The following RPP30 variants were observed in gnomAD, a reference collection of about 807,000 sequenced individuals.
The protein encoded by RPP30 is ribonuclease P/MRP subunit p30, also known as ribonuclease P protein subunit p30.
In RPP30, 36 loss-of-function variants were observed where a neutral mutation model predicts 38.6. The observed-to-expected ratio is 0.93, with a 90% confidence interval of 0.71 to 1.23. The LOEUF is 1.23. Among genes scored for constraint, RPP30 ranks in the 50% most tolerant of loss-of-function variants. The pLI, the probability that RPP30 is intolerant of heterozygous loss-of-function variation, is 0.00. For synonymous variants in RPP30, 126 were observed against 112.7 expected, an observed-to-expected ratio of 1.12 and a Z score of -0.75; for missense variants, 321 against 321.7, an observed-to-expected ratio of 1.00 and a Z score of 0.02.
At chr10:90,897,276 C>T (rs1847150930) in intron 10 of RPP30, among the ~76,000 whole-genome samples, 1 of 152,132 alleles carries the variant, frequency 6.6e-6, no homozygotes, top group South Asian at 2.1e-4. Context: ...TGATATCACC[C>T]AAGTGAATTT....
chr10:90,874,943 A>G lies in RPP30; in HGVS notation c.138+19A>G. ...GAAACAGGTAAAATAATATTTCTAA[A>G]GTTAATAAGTTCATAAATAAGTATT... is the stretch of plus-strand genomic sequence containing the variant. On this transcript the variant is annotated intron_variant, in intron 2 of 10. Transcript: ENST00000371703. 1 of 1,398,148 alleles carries G rather than the reference A, an allele frequency of 7.2e-7. No individual in the cohort carries two copies. 86.6% of individuals were successfully genotyped at this position (1,398,148 alleles called of 1,614,324 possible).
In RPP30 at chr10:90,900,661, A is replaced by C. The variant is rs1327851879; in HGVS notation, c.789A>C (p.Lys263Asn). 21 of 1,613,664 alleles carry C rather than the reference A, an allele frequency of 1.3e-5. No individual in the cohort carries two copies. Among genetic ancestry groups the C allele is most frequent in the Non-Finnish European group, 1.8e-5 (21 of 1,179,766 alleles). ...GDEDCLPASK[K>N]AKCEG ...AAGATTGTCTTCCAGCTTCCAAGAA[A>C]GCCAAGTGTGAGGGCTGAAAAGAAT... Residue 263 changes from lysine to asparagine, a missense_variant, in exon 11 of 11, where the codon AAA becomes AAC. Transcript: ENST00000371703.
intron 6 of RPP30, among the ~76,000 whole-genome samples, chr10:90,893,865 G>C (rs748747780): frequency 1.3e-5 from 2 of 152,218 alleles, no homozygotes; most frequent in Admixed American, 6.5e-5. Context: ...TGCACGTAGT[G>C]GGCTTAAAAC....
intron 10 of RPP30, among the ~76,000 whole-genome samples, chr10:90,899,548 C>A (rs894771911): frequency 1.3e-5 from 2 of 152,254 alleles, no homozygotes; most frequent in Admixed American, 6.5e-5. Context: ...TTTCATGACA[C>A]TATGGCCTTT....
chr10:90,874,959 A>G (rs1226323479), intron 2 of RPP30, 35 bp downstream of exon 2: 1 of 1,301,634 alleles, frequency 7.7e-7, no homozygotes, highest in Non-Finnish European at 1.1e-6. Context: ...TAAGTTCATA[A>G]ATAAGTATTT....
At chr10:90,882,109 A>C (rs1217234928) in intron 5 of RPP30, among the ~76,000 whole-genome samples, 1 of 152,150 alleles carries the variant, frequency 6.6e-6, no homozygotes, top group Non-Finnish European at 1.5e-5. Context: ...AATATGACAC[A>C]GAGAGAGAGT....
intron 6 of RPP30, among the ~76,000 whole-genome samples, 165 bp from the exon 7 acceptor site, chr10:90,894,610 T>G (rs918850317): frequency 2.6e-5 from 4 of 152,204 alleles, no homozygotes; most frequent in Non-Finnish European, 5.9e-5. Context: ...TTCTTCTCCT[T>G]GTGGGTGGTG....
chr10:90,874,639 A>C (rs2120179982), intron 1 of RPP30, among the ~76,000 whole-genome samples: 1 of 152,328 alleles, frequency 6.6e-6, no homozygotes, highest in African/African-American at 2.4e-5. Context: ...GTATGAAGAA[A>C]GTGTTGTTAT....
rs774868470 is a variant in RPP30, at chr10:90,885,902, G to A, written c.432+1G>A. On this transcript the variant is annotated splice_donor_variant, in intron 6 of 10. Transcript: ENST00000371703. LOFTEE classifies it high-confidence loss of function. The stretch of plus-strand genomic sequence containing the variant: ...CTTCAAAAGACCTCCTATTAATGTG[G>A]TAAGTGTACTTTCCATTCTGTATTT... 1 of 1,558,358 alleles carries A rather than the reference G, an allele frequency of 6.4e-7. No homozygotes were observed. The highest frequency in any genetic ancestry group is 1.8e-5 in the Admixed American group (1 of 57,134).
At chr10:90,877,709 G>T (rs898528961) in intron 4 of RPP30, among the ~76,000 whole-genome samples, 9 of 152,160 alleles carry the variant, frequency 5.9e-5, no homozygotes, top group Non-Finnish European at 1.3e-4. Flanking sequence ...ATAGGGATGT[G>T]GAAAAATGCA....
At chr10:90,874,363 G>A (rs1212808485) in intron 1 of RPP30, among the ~76,000 whole-genome samples, 1 of 152,114 alleles carries the variant, frequency 6.6e-6, no homozygotes, top group Non-Finnish European at 1.5e-5. Context: ...TTTCTCCTTA[G>A]GAAAGGAGTC....
intron 6 of RPP30, among the ~76,000 whole-genome samples, chr10:90,886,253 A>G (rs1199426019): frequency 6.6e-6 from 1 of 152,198 alleles, no homozygotes; most frequent in Admixed American, 6.5e-5. Flanking sequence ...AATAAAAAGC[A>G]GAGGATCCTT....
At chr10:90,897,621 A>G (rs551302674) in intron 10 of RPP30, among the ~76,000 whole-genome samples, 61 of 152,326 alleles carry the variant, frequency 4.0e-4, no homozygotes, top group African/African-American at 1.4e-3. Context: ...ATAAACATTC[A>G]TCAGGATTTT....
At chr10:90,902,797 T>A (rs1161360972), downstream of RPP30, among the ~76,000 whole-genome samples, 1 of 152,186 alleles carries the variant, frequency 6.6e-6, no homozygotes, top group East Asian at 1.9e-4. Context: ...TTTGATGGAT[T>A]AACCTACTCA....
downstream of RPP30, among the ~76,000 whole-genome samples, chr10:90,904,916 T>C (rs1040054790): frequency 1.3e-5 from 2 of 152,140 alleles, no homozygotes; most frequent in Non-Finnish European, 2.9e-5. Flanking sequence ...CAAATCTCTA[T>C]CTCACACCCA....
chr10:90,887,665 G>A (rs1446174533), intron 6 of RPP30, among the ~76,000 whole-genome samples: 2 of 152,146 alleles, frequency 1.3e-5, no homozygotes, highest in Non-Finnish European at 2.9e-5. Context: ...GATTACAGGC[G>A]TGAGCCACCA....
chr10:90,877,434 G>C (rs561669236), intron 4 of RPP30, among the ~76,000 whole-genome samples: 1 of 152,238 alleles, frequency 6.6e-6, no homozygotes, highest in African/African-American at 2.4e-5. Flanking sequence ...TGCATTGTGG[G>C]AAGAAGAGGT....
rs550991501 is a variant in RPP30, at chr10:90,878,497, A to AT, written c.271-554dup. On this transcript the variant is annotated intron_variant, in intron 4 of 10. Transcript: ENST00000371703. ...GATGATATTTTCTTTCTTCTTCTTC[A>AT]TTTTTTTTTTTTGAGATGAGGTCTC... Among the ~76,000 whole-genome samples, 357 of 144,518 alleles carry AT rather than the reference A, an allele frequency of 2.5e-3. 3 individuals carry two copies. Among genetic ancestry groups the AT allele is most frequent in the South Asian group, 9.6e-3 (44 of 4,576 alleles). 94.8% of individuals were successfully genotyped at this position (144,518 alleles called of 152,430 possible).
intron 1 of RPP30, among the ~76,000 whole-genome samples, chr10:90,873,898 A>G (rs1055239310): frequency 2.0e-5 from 3 of 152,170 alleles, no homozygotes; most frequent in South Asian, 2.1e-4. Flanking sequence ...GTACTTCCAT[A>G]GAATCCTTAC....
Sources: allele counts gnomAD v4.1 joint callset (sites outside exome capture counted in the v4.1 genomes callset), GRCh38; gene constraint gnomAD v4.1.1; transcripts MANE v1.5; gene names NCBI Gene and HGNC (gene_info 2026-07-23, HGNC 2026-07-21).